SVEP1: variants seen among roughly 807,000 people sequenced by gnomAD.
SVEP1 encodes the protein sushi, von Willebrand factor type A, EGF and pentraxin domain containing 1, also known as sushi, von Willebrand factor type A, EGF and pentraxin domain-containing protein 1.
A neutral mutation model predicts 367.3 loss-of-function variants in SVEP1; 164 were observed. The ratio of observed to expected loss-of-function variants is 0.45; its 90% CI spans 0.39 to 0.51. SVEP1 has a LOEUF of 0.51. Ranked by LOEUF, SVEP1 falls within the 20% of genes least tolerant of loss-of-function variation. The pLI is 0.00. For missense variants in SVEP1, 4,117 were observed against 4,425.3 expected, an observed-to-expected ratio of 0.93 and a Z score of 1.98; for synonymous variants, 1,666 against 1,611.6, an observed-to-expected ratio of 1.03 and a Z score of -0.81.
intron 28 of SVEP1, 117 bp downstream of exon 28, chr9:110,436,263 A>T: frequency 1.5e-6 from 2 of 1,331,554 alleles, no homozygotes; most frequent in Admixed American, 4.3e-5. Flanking sequence ...GATACTGGTG[A>T]TAAATTCTGA....
chr9:110,375,483 A>AAAAAAAAAAAAAAAC lies in SVEP1; in HGVS notation c.10505-21_10505-20insGTTTTTTTTTTTTTT. 1 of 1,508,390 alleles carries AAAAAAAAAAAAAAAC rather than the reference A, an allele frequency of 6.6e-7. No individual in the cohort carries two copies. The highest frequency in any genetic ancestry group is 8.9e-7 in the Non-Finnish European group (1 of 1,122,130). The allele number at this position is 1,508,390 out of a possible 1,614,324, so 93.4% of individuals were successfully genotyped here. Reference sequence around the variant, plus strand: ...AGATTGCTAAAAAAAAAAAAAAAAAAAAAAAAAGGAGGCAGGGGGGATTGA... The same window carrying AAAAAAAAAAAAAAAC: ...AGATTGCTAAAAAAAAAAAAAAAAAAAAAAAAAAAAAAAACAAAAAAAGGAGGCAGGGGGGATTGA... On this transcript the variant is annotated intron_variant, in intron 45 of 47. Coordinates refer to ENST00000374469, the MANE Select transcript of SVEP1 (RefSeq NM_153366.4).
chr9:110,458,031 T>C (rs2118633993), intron 20 of SVEP1: 1 of 423,356 alleles, frequency 2.4e-6, no homozygotes. Flanking sequence ...TGTTTCTTAA[T>C]TTTTAAGGAC....
intron 3 of SVEP1, among the ~76,000 whole-genome samples, chr9:110,526,850 G>T (rs1829945392): frequency 6.6e-6 from 1 of 152,010 alleles, no homozygotes; most frequent in Non-Finnish European, 1.5e-5. Context: ...GCAATAAAAA[G>T]AAATGAATTA....
At chr9:110,390,215 T>TTG (rs1827620425) in intron 40 of SVEP1, among the ~76,000 whole-genome samples, 1 of 63,060 alleles carries the variant, frequency 1.6e-5, no homozygotes, top group Non-Finnish European at 3.3e-5. Context: ...ATGTATATAC[T>TTG]TGTATATATA....
rs1827199414 is a variant in SVEP1, at chr9:110,366,381, A to G, written c.*158T>C. 3.4e-6 allele frequency: 2 copies of G among 595,404 alleles called. No homozygotes were observed. The highest frequency in any genetic ancestry group is 1.2e-4 in the South Asian group (2 of 16,188). The allele number at this position is 595,404 out of a possible 1,614,324, so 36.9% of individuals were successfully genotyped here. A position where few individuals can be genotyped will look rare whatever the true frequency, so the allele number is the denominator to read the frequency against. ...AGAAAGTATGTCACAAGGAATAACAAAATATATCACAAAATAAAAAAAGTA... is the reference window on the plus strand; with the variant it reads ...AGAAAGTATGTCACAAGGAATAACAGAATATATCACAAAATAAAAAAAGTA... On this transcript the variant is annotated 3_prime_UTR_variant, in exon 48 of 48. Coordinates refer to ENST00000374469, the MANE Select transcript of SVEP1 (RefSeq NM_153366.4).
intron 4 of SVEP1, among the ~76,000 whole-genome samples, chr9:110,513,306 T>A (rs1382599864): frequency 6.6e-6 from 1 of 152,196 alleles, no homozygotes; most frequent in Non-Finnish European, 1.5e-5. Context: ...TAACTTCCAA[T>A]TAAATTTTAA....
At chr9:110,432,331 G>T in intron 31 of SVEP1, 131 bp downstream of exon 31, 1 of 1,207,378 alleles carries the variant, frequency 8.3e-7, no homozygotes, top group South Asian at 1.6e-5. Context: ...TTGTCACTAT[G>T]GCTTGGCCAG....
intron 5 of SVEP1, among the ~76,000 whole-genome samples, chr9:110,511,065 T>A (rs1285847072): frequency 6.6e-6 from 1 of 152,224 alleles, no homozygotes; most frequent in African/African-American, 2.4e-5. Context: ...CTAATCTGAT[T>A]CTTTCTCCTT....
chr9:110,500,738 C>A (rs1020726579), intron 6 of SVEP1, among the ~76,000 whole-genome samples: 27 of 152,092 alleles, frequency 1.8e-4, no homozygotes, highest in African/African-American at 6.5e-4. Context: ...CCTCAACTGA[C>A]CTGTGATACT....
chr9:110,469,287 G>C (rs2118663069), intron 16 of SVEP1, among the ~76,000 whole-genome samples, 186 bp from the exon 17 acceptor site: 1 of 152,296 alleles, frequency 6.6e-6, no homozygotes, highest in East Asian at 1.9e-4. Flanking sequence ...GAAACCAACA[G>C]TAAGACATTC....
At chr9:110,558,323 C>A (rs1289251164) in intron 1 of SVEP1, among the ~76,000 whole-genome samples, 123 of 130,762 alleles carry the variant, frequency 9.4e-4, no homozygotes, top group African/African-American at 3.3e-3. Flanking sequence ...ATGGAGAAAC[C>A]CTGTCTCTAC....
chr9:110,439,386 G>A (rs1033254417), intron 27 of SVEP1, among the ~76,000 whole-genome samples: 2 of 151,936 alleles, frequency 1.3e-5, no homozygotes, highest in Middle Eastern at 3.4e-3. Flanking sequence ...CATTAATTTC[G>A]GGTATTTTTA....
intron 1 of SVEP1, among the ~76,000 whole-genome samples, chr9:110,563,808 T>C (rs997609541): frequency 1.3e-5 from 2 of 152,182 alleles, no homozygotes; most frequent in Non-Finnish European, 2.9e-5. Context: ...CTTCTCTTTG[T>C]ATATCTTCTT....
Position 110,408,744 on chromosome 9 carries a change from C to G in SVEP1, c.6856G>C (p.Val2286Leu), listed in dbSNP as rs752690491. The part of the protein sequence containing the change: ...KGENFEVGSK[V>L]QFFCNEGYEL... Reference sequence around the variant, plus strand: ...TAACCCTCATTACAGAAAAACTGAACCTTGGACCCTACTTCAAAGTTTTCT... The same window carrying G: ...TAACCCTCATTACAGAAAAACTGAAGCTTGGACCCTACTTCAAAGTTTTCT... Residue 2286 changes from valine to leucine, a missense_variant, in exon 38 of 48, where the codon GTT becomes CTT. Val to Leu is a conservative substitution (Grantham distance 32). Around this residue, in one of 4 missense-constraint regions of SVEP1, gnomAD observed 1,765 missense variants for 1,781.1 expected, o/e 0.99. Coordinates refer to ENST00000374469, the MANE Select transcript of SVEP1 (RefSeq NM_153366.4). 1.2e-6 allele frequency: 2 copies of G among 1,613,716 alleles called. No individual in the cohort carries two copies. Among genetic ancestry groups the G allele is most frequent in the South Asian group, 1.1e-5 (1 of 91,086 alleles).
intron 3 of SVEP1, among the ~76,000 whole-genome samples, chr9:110,526,725 C>A (rs1197965330): frequency 6.6e-6 from 1 of 152,108 alleles, no homozygotes; most frequent in Non-Finnish European, 1.5e-5. Flanking sequence ...AAAACCTATA[C>A]ACAAATGTGT....
At chr9:110,549,002 ACTT>A (rs1830252201) in intron 2 of SVEP1, among the ~76,000 whole-genome samples, 1 of 152,098 alleles carries the variant, frequency 6.6e-6, no homozygotes, top group Non-Finnish European at 1.5e-5. Context: ...GAGCTAACCC[ACTT>A]ATTATGAACA....
intron 9 of SVEP1, among the ~76,000 whole-genome samples, chr9:110,485,064 C>T (rs1313298242): frequency 3.3e-5 from 5 of 152,164 alleles, no homozygotes; most frequent in East Asian, 1.9e-4. Context: ...TACCATTTGA[C>T]CCAGCAATCC....
intron 3 of SVEP1, among the ~76,000 whole-genome samples, chr9:110,518,543 A>G (rs1372491934): frequency 6.6e-6 from 1 of 151,728 alleles, no homozygotes; most frequent in Non-Finnish European, 1.5e-5. Context: ...AAACTCTCAA[A>G]CCTCCCACCT....
intron 1 of SVEP1, among the ~76,000 whole-genome samples, chr9:110,565,266 G>A (rs1830477742): frequency 6.6e-6 from 1 of 152,216 alleles, no homozygotes; most frequent in African/African-American, 2.4e-5. Flanking sequence ...GTCTTGTACT[G>A]AGGTTCTGCA....
Sources: allele counts gnomAD v4.1 joint callset (sites outside exome capture counted in the v4.1 genomes callset), GRCh38; gene constraint gnomAD v4.1.1; regional missense constraint gnomAD v4.1.1; transcripts MANE v1.5; gene names NCBI Gene and HGNC (gene_info 2026-07-23, HGNC 2026-07-21).